CHD9: variants seen among roughly 807,000 people sequenced by gnomAD.
The protein encoded by CHD9 is ATP-dependent chromatin remodeler CHD9.
In CHD9, 77 loss-of-function variants were observed where a neutral mutation model predicts 316.1. The ratio of observed to expected loss-of-function variants is 0.24; its 90% confidence interval spans 0.20 to 0.29. CHD9 has a LOEUF of 0.29. CHD9 is among the 10% of genes least tolerant of loss of function. The pLI is 1.00. For synonymous variants in CHD9, 1,129 were observed against 1,158.3 expected (o/e 0.97, Z 0.51); for missense variants, 2,763 against 3,438.1 (o/e 0.80, Z 4.91).
chr16:53,177,050 G>A (rs1000358993), intron 2 of CHD9, among the ~76,000 whole-genome samples: 9 of 152,186 alleles, frequency 5.9e-5, no homozygotes, highest in African/African-American at 1.9e-4. Context: ...CCGCCTCCCA[G>A]GTTCCAGTGA....
intron 19 of CHD9, among the ~76,000 whole-genome samples, chr16:53,257,807 A>G (rs763748535): frequency 2.0e-5 from 3 of 152,176 alleles, no homozygotes; most frequent in Non-Finnish European, 2.9e-5. Context: ...GAAGTAAAGT[A>G]TAAGACTGAG....
intron 1 of CHD9, among the ~76,000 whole-genome samples, chr16:53,066,112 CTG>C (rs1362864581): frequency 7.2e-5 from 11 of 152,250 alleles, no homozygotes; most frequent in African/African-American, 2.6e-4. Flanking sequence ...ATCAAACAAA[CTG>C]GGATTCCTAC....
At chr16:53,293,296 T>A (rs1449881640) in intron 29 of CHD9, among the ~76,000 whole-genome samples, 2 of 152,190 alleles carry the variant, frequency 1.3e-5, no homozygotes, top group Admixed American at 6.5e-5. Context: ...TTTTGTCATG[T>A]TTAGGAACAC....
chr16:53,209,370 T>C (rs2046146586), intron 2 of CHD9, 112 bp from the exon 3 acceptor site: 2 of 752,394 alleles, frequency 2.7e-6, no homozygotes, highest in Non-Finnish European at 4.2e-6. Flanking sequence ...ACTCACATAT[T>C]TGCTAATGTA....
chr16:53,123,790 C>T (rs924799071), intron 1 of CHD9, among the ~76,000 whole-genome samples: 1 of 152,208 alleles, frequency 6.6e-6, no homozygotes, highest in African/African-American at 2.4e-5. Context: ...GCATGAGCCA[C>T]CACGCCCGGC....
rs1197513879 is a variant in CHD9, at chr16:53,156,337, A to T, written c.248A>T (p.Asn83Ile). 6.2e-7 allele frequency: 1 copy of T among 1,613,876 alleles called. No homozygotes were observed. The highest frequency in any genetic ancestry group is 1.3e-5 in the African/African-American group (1 of 74,918). ...GATTCAATAAAATTTCACCATGTTA[A>T]TCAATCTTTTGGTAGCCCAGCTGAA... ...QFDSIKFHHVNQSFGSPAEHV... is the reference protein window; with the variant it reads ...QFDSIKFHHVIQSFGSPAEHV... The change falls in exon 2 of 39, where the codon AAT (asparagine) becomes ATT (isoleucine). Residue 83 changes from asparagine (N) to isoleucine (I), a missense_variant. By Grantham distance (149) the Asn-to-Ile change is moderately radical. Transcript: ENST00000447540.
At chr16:53,320,270 CAA>C (rs2057181815) in intron 37 of CHD9, among the ~76,000 whole-genome samples, 1 of 150,772 alleles carries the variant, frequency 6.6e-6, no homozygotes, top group East Asian at 1.9e-4. Flanking sequence ...CCTGTAATGA[CAA>C]CACTTTGGGA....
chr16:53,066,562 C>T (rs2033535916), intron 1 of CHD9, among the ~76,000 whole-genome samples: 1 of 152,138 alleles, frequency 6.6e-6, no homozygotes, highest in African/African-American at 2.4e-5. Context: ...GTGGCTCCTG[C>T]CCGGTCTCAC....
chr16:53,231,442 A>C lies in CHD9; in HGVS notation c.2310A>C (p.Pro770=), dbSNP rs1229799979. 1.3e-6 allele frequency: 2 copies of C among 1,598,406 alleles called. No homozygotes were observed. Among genetic ancestry groups the C allele is most frequent in the South Asian group, 2.2e-5 (2 of 90,104 alleles). The change falls in exon 9 of 39, where the codon CCA becomes CCC. Residue 770 remains proline (P), a synonymous_variant. Transcript: ENST00000447540. ...AGATGGAAGAAGAACCATTTAACCC[A>C]GACTACGTTGAAGTAGACAGAGTAT... ...FADMEEEPFN[P]DYVEVDRVLE...
intron 2 of CHD9, among the ~76,000 whole-genome samples, chr16:53,170,125 A>G (rs1231876386): frequency 6.6e-6 from 1 of 150,818 alleles, no homozygotes; most frequent in East Asian, 1.9e-4. Context: ...GACACATGAT[A>G]TTAGTTTGTC....
At chr16:53,106,455 C>T (rs1328350072) in intron 1 of CHD9, among the ~76,000 whole-genome samples, 2 of 152,120 alleles carry the variant, frequency 1.3e-5, no homozygotes, top group African/African-American at 4.8e-5. Flanking sequence ...GGATATTTCC[C>T]GAAGGACAGC....
At chr16:53,134,976 TAAAAG>T (rs1221005040) in intron 1 of CHD9, among the ~76,000 whole-genome samples, 3 of 152,094 alleles carry the variant, frequency 2.0e-5, no homozygotes, top group African/African-American at 7.2e-5. Flanking sequence ...TTCAGTGAAA[TAAAAG>T]AACAGAGTGC....
rs770773351 is a variant in CHD9, at chr16:53,209,462, A to C, written c.1453-20A>C. On this transcript the variant is annotated intron_variant, in intron 2 of 38. Coordinates refer to ENST00000447540, the MANE Select transcript of CHD9 (RefSeq NM_001308319.2). ...GATGTACTTTGGTATATTCTATAAA[A>C]AATATTTTTGTTTCTGTAGCCTCCA... 6.6e-7 allele frequency: 1 copy of C among 1,522,620 alleles called. No individual in the cohort carries two copies. Among genetic ancestry groups the C allele is most frequent in the South Asian group, 1.2e-5 (1 of 80,174 alleles). 94.3% of individuals were successfully genotyped at this position (1,522,620 alleles called of 1,614,324 possible).
chr16:53,276,471 C>T (rs2052835843), intron 24 of CHD9, among the ~76,000 whole-genome samples: 1 of 152,114 alleles, frequency 6.6e-6, no homozygotes, highest in African/African-American at 2.4e-5. Context: ...CTCCAACTAC[C>T]ACCCTCCAAT....
In CHD9 at chr16:53,324,546, T is replaced by G. The variant is rs1199402641; in HGVS notation, c.8345T>G (p.Leu2782Ter). The part of the protein sequence containing the change: ...SSPSTSSTAA[L>*]NTAAAANPLA... ...CCTTCCACATCCTCTACTGCTGCAT[T>G]AAATACAGCTGCAGCTGCCAACCCA... The change falls in exon 39 of 39, where the codon TTA becomes TGA. Residue 2782 changes from leucine (L) to a stop codon, truncating the protein, a stop_gained. Transcript: ENST00000447540. LOFTEE classifies it high-confidence loss of function. 1.2e-6 allele frequency: 2 copies of G among 1,613,786 alleles called. No individual in the cohort carries two copies. Among genetic ancestry groups the G allele is most frequent in the Non-Finnish European group, 8.5e-7 (1 of 1,179,790 alleles).
intron 1 of CHD9, among the ~76,000 whole-genome samples, chr16:53,058,778 A>AC (rs1332203534): frequency 3.9e-5 from 6 of 152,102 alleles, no homozygotes; most frequent in Non-Finnish European, 7.4e-5. Flanking sequence ...AAGCAGCAAC[A>AC]CCCCCCACCC....
intron 11 of CHD9, among the ~76,000 whole-genome samples, chr16:53,236,623 C>T (rs1348072886): frequency 6.8e-6 from 1 of 146,312 alleles, no homozygotes; most frequent in East Asian, 2.0e-4. Flanking sequence ...TTCCCCCCCA[C>T]CACCACCACC....
chr16:53,295,906 G>A (rs192650815), intron 29 of CHD9, among the ~76,000 whole-genome samples: 26 of 152,274 alleles, frequency 1.7e-4, no homozygotes, highest in African/African-American at 5.5e-4. Context: ...AGCATCAGGA[G>A]CTTTCAAGTG....
chr16:53,231,825 T>G (rs773751825), intron 10 of CHD9, 41 bp downstream of exon 10: 3 of 1,527,334 alleles, frequency 2.0e-6, no homozygotes, highest in Non-Finnish European at 8.8e-7. Context: ...ATCTTAGCAC[T>G]TGTTTATGTA....
Sources: gnomAD v4.1 joint callset for allele counts (sites outside exome capture counted in the v4.1 genomes callset) on GRCh38, gnomAD v4.1.1 for gene constraint, MANE v1.5 for transcripts, NCBI Gene and HGNC (gene_info 2026-07-23, HGNC 2026-07-21) for gene names.